IQCM: variants seen among roughly 807,000 people sequenced by gnomAD.
IQCM encodes IQ domain-containing protein M.
IQCM carries 45 observed loss-of-function variants against 57.6 expected under a neutral mutation model. That is an observed-to-expected ratio of 0.78 (90% CI 0.62 to 1.00). IQCM has a LOEUF of 1.00. Ranked by LOEUF, IQCM falls within the 50% of genes least tolerant of loss-of-function variation. The pLI is 0.00. For synonymous variants in IQCM, 148 were observed against 158.9 expected (o/e 0.93, Z 0.51); for missense variants, 468 against 511.6 (o/e 0.91, Z 0.82).
chr4:149,713,828 C>A (rs1764763924), intron 5 of IQCM, among the ~76,000 whole-genome samples: 4 of 152,118 alleles, frequency 2.6e-5, no homozygotes, highest in Admixed American at 2.0e-4. Context: ...ACTGTTCCAG[C>A]AATTCTTCCT....
chr4:149,412,619 T>C (rs1392235820), intron 13 of IQCM, among the ~76,000 whole-genome samples: 1 of 152,174 alleles, frequency 6.6e-6, no homozygotes, highest in Non-Finnish European at 1.5e-5. Flanking sequence ...TAATAAGATA[T>C]GGCTCCCACC....
rs1342673638 is a variant in IQCM at position 149,388,591 on chromosome 4, CATATAT to C, written c.1391-36531_1391-36526del. Among the ~76,000 whole-genome samples the C allele has an allele frequency of 3.6e-4, 34 of 93,990 alleles. No homozygotes were observed. In the South Asian group the frequency reaches 6.1e-3, roughly 17 times the overall value. The allele number at this position is 93,990 out of a possible 152,430, so 61.7% of individuals were successfully genotyped here. A position where few individuals can be genotyped will look rare whatever the true frequency, so the allele number is the denominator to read the frequency against. On this transcript the variant is annotated intron_variant, in intron 13 of 13. Coordinates refer to ENST00000636793, the MANE Select transcript of IQCM (RefSeq NM_001363507.2). ...ATACATAAATATATATACATATATA[CATATAT>C]ACACATATATAGGCAAAGAATATAT...
chr4:149,813,014 C>T (rs1169453388), intron 2 of IQCM, among the ~76,000 whole-genome samples: 1 of 152,138 alleles, frequency 6.6e-6, no homozygotes, highest in Non-Finnish European at 1.5e-5. Context: ...ATATTTAAAC[C>T]TCGGTGAACT....
At position 149,467,110 on chromosome 4, in the gene IQCM, T is replaced by G. The variant is rs191356955; in HGVS notation, c.1229-33553A>C. ...TTTAATAATTAGTAATGTCTGAAAGTGAAAATATTCTGTAACAGGCAATAG... is the reference window on the plus strand; with the variant it reads ...TTTAATAATTAGTAATGTCTGAAAGGGAAAATATTCTGTAACAGGCAATAG... On this transcript the variant is annotated intron_variant, in intron 12 of 13. Transcript: ENST00000636793. Among the ~76,000 whole-genome samples, 487 of 152,318 alleles carry G rather than the reference T, an allele frequency of 3.2e-3. 3 individuals are homozygous for G. The highest frequency in any genetic ancestry group is 3.9e-3 in the Non-Finnish European group (264 of 68,030).
chr4:149,355,022 T>A (rs1010164906), intron 13 of IQCM, among the ~76,000 whole-genome samples: 4 of 152,118 alleles, frequency 2.6e-5, no homozygotes, highest in African/African-American at 9.7e-5. Context: ...GCTTATTAAT[T>A]TAAAAACAGA....
chr4:149,537,150 T>C (rs1747378241), intron 12 of IQCM, among the ~76,000 whole-genome samples: 1 of 151,832 alleles, frequency 6.6e-6, no homozygotes, highest in Admixed American at 6.6e-5. Flanking sequence ...GAGGTTAGAT[T>C]TAACAGACAA....
At chr4:149,501,701 G>A (rs1743261249) in intron 12 of IQCM, among the ~76,000 whole-genome samples, 1 of 152,144 alleles carries the variant, frequency 6.6e-6, no homozygotes, top group African/African-American at 2.4e-5. Flanking sequence ...GAAACATCAG[G>A]AAGAAGGAAA....
intron 13 of IQCM, among the ~76,000 whole-genome samples, chr4:149,393,582 T>G (rs1343767043): frequency 6.6e-6 from 1 of 151,966 alleles, no homozygotes; most frequent in South Asian, 2.1e-4. Flanking sequence ...GATACACATC[T>G]AAACACTGCT....
intron 5 of IQCM, among the ~76,000 whole-genome samples, chr4:149,717,826 T>A (rs1364893046): frequency 1.3e-5 from 2 of 152,202 alleles, no homozygotes; most frequent in Non-Finnish European, 2.9e-5. Flanking sequence ...TAGGAGGCAA[T>A]GCATGTGCCA....
chr4:149,601,286 G>A (rs541048399), intron 8 of IQCM, among the ~76,000 whole-genome samples: 4 of 152,098 alleles, frequency 2.6e-5, no homozygotes, highest in Admixed American at 2.6e-4. Context: ...AGAGTAGACA[G>A]GGCCAAAAAT....
rs1475990024 is a variant in IQCM at position 149,605,021 on chromosome 4, C to T, written c.681+16108G>A. On this transcript the variant is annotated intron_variant, in intron 8 of 13. Transcript: ENST00000636793. ...CACAATCACATATCTGTTTATCTCA[C>T]CAAACAATGCCTATGTTGACACAAC... Among the ~76,000 whole-genome samples the T allele has an allele frequency of 7.2e-5, 11 of 152,158 alleles. No individual in the cohort carries two copies. In the East Asian group the frequency reaches 2.1e-3, roughly 29 times the overall value.
At chr4:149,808,089 A>T (rs1181922970) in intron 2 of IQCM, among the ~76,000 whole-genome samples, 1 of 152,184 alleles carries the variant, frequency 6.6e-6, no homozygotes, top group Non-Finnish European at 1.5e-5. Context: ...AAGAAAGGAA[A>T]TTGGTATATT....
At chr4:149,435,454 T>C (rs886573663) in intron 12 of IQCM, among the ~76,000 whole-genome samples, 1 of 152,096 alleles carries the variant, frequency 6.6e-6, no homozygotes, top group Non-Finnish European at 1.5e-5. Flanking sequence ...GTAATATTAA[T>C]GTACAGAACA....
At chr4:149,381,063 C>T (rs1731043955) in intron 13 of IQCM, among the ~76,000 whole-genome samples, 1 of 152,170 alleles carries the variant, frequency 6.6e-6, no homozygotes, top group Non-Finnish European at 1.5e-5. Flanking sequence ...ATCTTCTTCT[C>T]AGCTCAGTAA....
At chr4:149,622,910 T>A (rs565057038) in intron 7 of IQCM, among the ~76,000 whole-genome samples, 1 of 152,298 alleles carries the variant, frequency 6.6e-6, no homozygotes, top group South Asian at 2.1e-4. Context: ...CATTTTGAAT[T>A]TATAAACTGT....
chr4:149,379,428 C>T (rs1730926122), intron 13 of IQCM, among the ~76,000 whole-genome samples: 2 of 152,116 alleles, frequency 1.3e-5, no homozygotes, highest in Admixed American at 1.3e-4. Flanking sequence ...GTGGAGCTGC[C>T]CAAGACCATG....
intron 7 of IQCM, among the ~76,000 whole-genome samples, chr4:149,648,175 T>C (rs116668171): frequency 2.3e-3 from 355 of 152,338 alleles, no homozygotes; most frequent in African/African-American, 8.2e-3. Flanking sequence ...TCTAATCTTA[T>C]CATTCCAATA....
At chr4:149,642,326 C>T (rs1348319071) in intron 7 of IQCM, among the ~76,000 whole-genome samples, 2 of 151,942 alleles carry the variant, frequency 1.3e-5, no homozygotes, top group African/African-American at 2.4e-5. Flanking sequence ...ACTGTATTTC[C>T]CAGTGGACAC....
At position 149,553,218 on chromosome 4, in the gene IQCM, A is replaced by G. The variant is rs1579464502; in HGVS notation, c.1018T>C (p.Tyr340His). ...CTTGTCCTCCAAAGACCACGTCGAT[A>G]TCTAACACGGTGGATTAGTCTGCCA... is the stretch of plus-strand genomic sequence containing the variant. ...MYGRLIHRVR[Y>H]RRGLWRTRQI... Residue 340 changes from tyrosine (Y) to histidine (H), a missense_variant, in exon 11 of 14, where the codon TAT (tyrosine) becomes CAT (histidine). Coordinates refer to ENST00000636793, the MANE Select transcript of IQCM (RefSeq NM_001363507.2). 2.4e-6 allele frequency: 3 copies of G among 1,232,028 alleles called. No homozygotes were observed. The East Asian group carries it at 9.5e-5, about 39-fold the overall frequency. The allele number at this position is 1,232,028 out of a possible 1,614,324, so 76.3% of individuals were successfully genotyped here.
Sources: allele counts gnomAD v4.1 joint callset (sites outside exome capture counted in the v4.1 genomes callset), GRCh38; gene constraint gnomAD v4.1.1; transcripts MANE v1.5; gene names NCBI Gene and HGNC (gene_info 2026-07-23, HGNC 2026-07-21).